ZNF233: variants seen among roughly 807,000 people sequenced by gnomAD.
ZNF233 encodes the protein zinc finger protein 233.
ZNF233 carries 7 observed loss-of-function variants against 11.6 expected under a neutral mutation model. The ratio of observed to expected loss-of-function variants is 0.60; its 90% confidence interval spans 0.34 to 1.13. ZNF233 has a LOEUF of 1.13. ZNF233 is among the 50% of genes most tolerant of loss of function. The pLI is 0.03. For missense variants in ZNF233, 711 were observed against 785.5 expected (o/e 0.91, Z 1.13); for synonymous variants, 226 against 268.5 (o/e 0.84, Z 1.55).
chr19:44,266,164 A>G (rs1419180218), intron 2 of ZNF233, 34 bp from the exon 3 acceptor site: 9 of 1,583,666 alleles, frequency 5.7e-6, no homozygotes, highest in Admixed American at 3.5e-5. Context: ...GTTATTGGCC[A>G]TAAGATTGAG....
rs756074237 is a variant in ZNF233, at chr19:44,273,818, C to T, written c.1158C>T (p.Asp386=). ...GCTTCCATCATAGCTTAGATTTTGA[C>T]ATTCACTGTGTAGACAGTGCTGGAG... ...GKGFHHSLDF[D]IHCVDSAGER... The change falls in exon 5 of 5, where the codon GAC becomes GAT. Residue 386 remains aspartate, a synonymous_variant. Transcript: ENST00000683810. 1.2e-6 allele frequency: 2 copies of T among 1,614,092 alleles called. No individual in the cohort carries two copies. The highest frequency in any genetic ancestry group is 3.3e-5 in the Admixed American group (2 of 60,026).
At chr19:44,268,973 T>C (rs1975167054) in intron 4 of ZNF233, among the ~76,000 whole-genome samples, 1 of 152,218 alleles carries the variant, frequency 6.6e-6, no homozygotes, top group Admixed American at 6.5e-5. Context: ...TCTCTGCTTA[T>C]CTGAGAGAGA....
rs755725205 is a variant in ZNF233, at chr19:44,273,069, G to C, written c.409G>C (p.Gly137Arg). The change falls in exon 5 of 5, where the codon GGT (glycine) becomes CGT (arginine). Residue 137 changes from glycine (G) to arginine (R), a missense_variant. Physicochemically the swap from Gly to Arg is moderately radical, Grantham distance 125. Coordinates refer to ENST00000683810, the MANE Select transcript of ZNF233 (RefSeq NM_001207005.2). ...QGKRSKLLKQ[G>R]DSPCQVWTGE... ...CAAGAGGTCCAAGTTGCTAAAACAA[G>C]GTGATTCCCCCTGTCAGGTGTGGAC... 1 of 1,614,104 alleles carries C rather than the reference G, an allele frequency of 6.2e-7. No individual in the cohort carries two copies. Among genetic ancestry groups the C allele is most frequent in the Non-Finnish European group, 8.5e-7 (1 of 1,180,012 alleles).
At chr19:44,272,751 G>GAA in intron 4 of ZNF233, 148 bp from the exon 5 acceptor site, 8 of 586,644 alleles carry the variant, frequency 1.4e-5, no homozygotes, top group African/African-American at 7.8e-5. Context: ...CAAAAAAAGA[G>GAA]AAAAAAAAAC....
At chr19:44,266,994 G>A (rs751815623) in intron 4 of ZNF233, 33 bp downstream of exon 4, 37 of 1,545,128 alleles carry the variant, frequency 2.4e-5, no homozygotes, top group Non-Finnish European at 3.3e-5. Context: ...TCTTTGCGGG[G>A]TACAGCCTAG....
At position 44,273,288 on chromosome 19, in the gene ZNF233, T is replaced by A. The variant is rs1176676998; in HGVS notation, c.628T>A (p.Cys210Ser). ...TGATGTAAAAAATAAGCTCTGTAAATGTGATCATTGTGTTAGGCAAAGAAT... is the reference window on the plus strand; with the variant it reads ...TGATGTAAAAAATAAGCTCTGTAAAAGTGATCATTGTGTTAGGCAAAGAAT... ...QIDVKNKLCKCDHCVRQRIAH... is the reference protein window; with the variant it reads ...QIDVKNKLCKSDHCVRQRIAH... Residue 210 changes from cysteine to serine, a missense_variant, in exon 5 of 5, where the codon TGT (cysteine) becomes AGT (serine). By Grantham distance (112) the Cys-to-Ser change is moderately radical. Coordinates refer to ENST00000683810, the MANE Select transcript of ZNF233 (RefSeq NM_001207005.2). The A allele has an allele frequency of 6.2e-7, 1 of 1,614,090 alleles. No homozygotes were observed. Among genetic ancestry groups the A allele is most frequent in the Non-Finnish European group, 8.5e-7 (1 of 1,180,018 alleles).
At chr19:44,260,044 G>A (rs1200787188) in intron 1 of ZNF233, 106 bp downstream of exon 1, 4 of 376,780 alleles carry the variant, frequency 1.1e-5, no homozygotes, top group Admixed American at 6.0e-5. Flanking sequence ...CGCAGAGGGC[G>A]GGGACGACGG....
chr19:44,264,710 A>G (rs923749650), intron 2 of ZNF233, among the ~76,000 whole-genome samples: 11 of 152,206 alleles, frequency 7.2e-5, no homozygotes, highest in African/African-American at 2.7e-4. Context: ...TCTTATATCT[A>G]TACTTGTCAG....
At position 44,268,147 on chromosome 19, in the gene ZNF233, AATACATACATACATACATAC is replaced by A. The variant is rs10542946; in HGVS notation, c.238+1205_238+1224del. On this transcript the variant is annotated intron_variant, in intron 4 of 4. Coordinates refer to ENST00000683810, the MANE Select transcript of ZNF233 (RefSeq NM_001207005.2). Reference sequence around the variant, plus strand: ...CGACAGAGCAAGACCCTGTCTCAAAAATACATACATACATACATACATACATACATACATACATTTAATTA... The same window carrying A: ...CGACAGAGCAAGACCCTGTCTCAAAAATACATACATACATACATTTAATTA... The A allele has an allele frequency of 4.0e-5, 6 of 149,980 alleles. No individual in the cohort carries two copies. In the South Asian group the frequency reaches 8.5e-4, roughly 21 times the overall value. 9.3% of individuals were successfully genotyped at this position (149,980 alleles called of 1,614,324 possible).
chr19:44,265,813 A>G (rs576350094), intron 2 of ZNF233, among the ~76,000 whole-genome samples: 1 of 152,340 alleles, frequency 6.6e-6, no homozygotes, highest in African/African-American at 2.4e-5. Flanking sequence ...ACGTGCATGT[A>G]CAAACACCTT....
intron 1 of ZNF233, among the ~76,000 whole-genome samples, chr19:44,260,392 G>C (rs972998906): frequency 1.3e-5 from 2 of 152,166 alleles, no homozygotes; most frequent in African/African-American, 4.8e-5. Context: ...GAGAGGAGAG[G>C]CATTCAGTCT....
chr19:44,265,821 C>T (rs12462723), intron 2 of ZNF233, among the ~76,000 whole-genome samples: 67,196 of 152,068 alleles, frequency 0.44, 16,593 homozygotes, highest in South Asian at 0.65. Flanking sequence ...GTACAAACAC[C>T]TTTTTCAGCG....
At chr19:44,272,751 GA>G (rs200415863) in intron 4 of ZNF233, 147 bp from the exon 5 acceptor site, 16 of 586,584 alleles carry the variant, frequency 2.7e-5, no homozygotes, top group Non-Finnish European at 3.6e-5. Flanking sequence ...CAAAAAAAGA[GA>G]AAAAAAAACA....
intron 1 of ZNF233, among the ~76,000 whole-genome samples, chr19:44,263,145 C>A (rs1974980537): frequency 6.6e-6 from 1 of 152,088 alleles, no homozygotes; most frequent in African/African-American, 2.4e-5. Flanking sequence ...AGGCTTTTAC[C>A]CCATTTAAAA....
At chr19:44,272,516 C>T (rs374691787) in intron 4 of ZNF233, among the ~76,000 whole-genome samples, 2 of 151,426 alleles carry the variant, frequency 1.3e-5, no homozygotes, top group African/African-American at 2.4e-5. Flanking sequence ...GGGCGGTTCA[C>T]GAGGTCAGGA....
chr19:44,267,464 ACCT>A, intron 4 of ZNF233: 1 of 395,330 alleles, frequency 2.5e-6, no homozygotes, highest in Non-Finnish European at 4.4e-6. Context: ...CGATCTTCTC[ACCT>A]CAGCCTCCTG....
rs749978144 is a variant in ZNF233, at chr19:44,274,078, T to C, written c.1418T>C (p.Ile473Thr). Residue 473 changes from isoleucine to threonine, a missense_variant, in exon 5 of 5, where the codon ATC (isoleucine) becomes ACC (threonine). Coordinates refer to ENST00000683810, the MANE Select transcript of ZNF233 (RefSeq NM_001207005.2). ...KASNLQAHQRIHTGEKPYKCD... is the reference protein window; with the variant it reads ...KASNLQAHQRTHTGEKPYKCD... ...TCAAATCTTCAAGCCCATCAGAGAA[T>C]CCACACTGGAGAGAAACCCTACAAA... 1 of 1,597,898 alleles carries C rather than the reference T, an allele frequency of 6.3e-7. No homozygotes were observed. Among genetic ancestry groups the C allele is most frequent in the Non-Finnish European group, 8.5e-7 (1 of 1,179,434 alleles).
At chr19:44,264,604 G>A (rs947332285) in intron 2 of ZNF233, among the ~76,000 whole-genome samples, 3 of 152,002 alleles carry the variant, frequency 2.0e-5, no homozygotes, top group Non-Finnish European at 4.4e-5. Flanking sequence ...AAAATTCGTA[G>A]ATATCAAAAA....
intron 1 of ZNF233, among the ~76,000 whole-genome samples, chr19:44,263,611 T>C (rs1384189574): frequency 6.6e-6 from 1 of 152,222 alleles, no homozygotes; most frequent in Non-Finnish European, 1.5e-5. Context: ...TTCATAAGTA[T>C]TTATACCTTT....
Sources: allele counts gnomAD v4.1 joint callset (sites outside exome capture counted in the v4.1 genomes callset), GRCh38; gene constraint gnomAD v4.1.1; transcripts MANE v1.5; gene names NCBI Gene and HGNC (gene_info 2026-07-23, HGNC 2026-07-21).